Variants in CARD8 observed in about 807,000 individuals in gnomAD.
CARD8 encodes caspase recruitment domain-containing protein 8.
CARD8 carries 38 observed loss-of-function variants against 53.2 expected under a neutral mutation model. The observed-to-expected ratio is 0.71, with a 90% CI of 0.55 to 0.94. The LOEUF (loss-of-function observed/expected upper bound fraction) is 0.94, where lower values mean the gene tolerates loss of function less well. CARD8 is among the 40% of genes least tolerant of loss of function. CARD8 has a pLI of 0.00. For missense variants in CARD8, 561 were observed against 655.5 expected, an observed-to-expected ratio of 0.86 and a Z score of 1.57; for synonymous variants, 245 against 244.9, an observed-to-expected ratio of 1.00 and a Z score of 0.00.
downstream of CARD8, chr19:48,206,255 T>C (rs767548374): frequency 5.9e-6 from 2 of 336,668 alleles, no homozygotes; most frequent in Non-Finnish European, 1.2e-5. Flanking sequence ...ACAGAAGAGT[T>C]TGGTGTTTTG....
chr19:48,248,587 T>C (rs1373891346), intron 3 of CARD8, among the ~76,000 whole-genome samples: 1 of 152,132 alleles, frequency 6.6e-6, no homozygotes, highest in African/African-American at 2.4e-5. Flanking sequence ...GCTGACAAAA[T>C]CAAGTGTGAA....
At chr19:48,252,972 G>C (rs2047127332) in intron 1 of CARD8, among the ~76,000 whole-genome samples, 1 of 152,068 alleles carries the variant, frequency 6.6e-6, no homozygotes, top group Admixed American at 6.6e-5. Context: ...AAACTGCACT[G>C]CTCTATGGCA....
At chr19:48,242,982 C>T (rs878908170) in intron 3 of CARD8, among the ~76,000 whole-genome samples, 1 of 152,164 alleles carries the variant, frequency 6.6e-6, no homozygotes, top group South Asian at 2.1e-4. Context: ...TGAAGATTAA[C>T]TTTTATATAA....
chr19:48,219,132 G>C, intron 11 of CARD8, 120 bp from the exon 12 acceptor site: 2 of 810,416 alleles, frequency 2.5e-6, no homozygotes, highest in South Asian at 3.3e-5. Context: ...TGGTTGAGTG[G>C]GAAACAGAGG....
chr19:48,240,986 C>T lies in CARD8; in HGVS notation c.35G>A (p.Ser12Asn), dbSNP rs2044918900. The T allele has an allele frequency of 6.5e-7, 1 of 1,536,002 alleles. No homozygotes were observed. The highest frequency in any genetic ancestry group is 8.7e-7 in the Non-Finnish European group (1 of 1,146,816). ...EKKECPEKSSSSEEELPRRDS... is the reference protein window; with the variant it reads ...EKKECPEKSSNSEEELPRRDS... ...CCGTCTCGGCAGCTCTTCCTCACTG[C>T]TGCTACTCTTTTCTGGACACTCCTT... The change falls in exon 4 of 14, where the codon AGC becomes AAC. Residue 12 changes from serine to asparagine, a missense_variant. Physicochemically the swap from Ser to Asn is conservative, Grantham distance 46 (BLOSUM62 1). Transcript: ENST00000651546.
At chr19:48,241,860 C>G (rs2045175972) in intron 3 of CARD8, among the ~76,000 whole-genome samples, 1 of 152,122 alleles carries the variant, frequency 6.6e-6, no homozygotes, top group Non-Finnish European at 1.5e-5. Context: ...ACAAACCACA[C>G]AATTCACCCA....
At position 48,248,979 on chromosome 19, in the gene CARD8, C is replaced by T. The variant is rs919721382; in HGVS notation, c.-44+544G>A. Among the ~76,000 whole-genome samples the T allele has an allele frequency of 4.6e-5, 7 of 152,322 alleles. No individual in the cohort carries two copies. In the South Asian group the frequency reaches 6.2e-4, roughly 14 times the overall value. ...TTGGGAGGCCGAGGCGGGCGGATCA[C>T]CTGAGATCAGGAGTTCGAAGCCAGA... On this transcript the variant is annotated intron_variant, in intron 3 of 13. Coordinates refer to ENST00000651546, the MANE Select transcript of CARD8 (RefSeq NM_001184900.3).
intron 6 of CARD8, chr19:48,232,892 T>C: frequency 2.4e-6 from 1 of 416,316 alleles, no homozygotes; most frequent in East Asian, 6.9e-5. Flanking sequence ...TTGACATCTC[T>C]CCTTCTTCTC....
chr19:48,216,012 G>A (rs193079666), intron 12 of CARD8, among the ~76,000 whole-genome samples: 34 of 151,782 alleles, frequency 2.2e-4, no homozygotes, highest in African/African-American at 8.2e-4. Flanking sequence ...CCCATCTCCT[G>A]TGAGGTCTCA....
chr19:48,212,666 C>T (rs990267284), intron 13 of CARD8, among the ~76,000 whole-genome samples: 2 of 152,308 alleles, frequency 1.3e-5, no homozygotes, highest in South Asian at 2.1e-4. Context: ...TTGATTTCAA[C>T]GTGCAGGCAA....
At chr19:48,254,636 G>A (rs368636279) in intron 1 of CARD8, among the ~76,000 whole-genome samples, 21 of 151,712 alleles carry the variant, frequency 1.4e-4, no homozygotes, top group African/African-American at 3.9e-4. Context: ...ACCTGTAGTC[G>A]CAGCTACTCG....
chr19:48,244,511 G>A (rs569367375), intron 3 of CARD8, among the ~76,000 whole-genome samples: 3 of 152,276 alleles, frequency 2.0e-5, no homozygotes, highest in South Asian at 2.1e-4. Flanking sequence ...CCTCATACTC[G>A]GTGATTTATC....
At chr19:48,238,327 C>G in intron 5 of CARD8, 56 bp downstream of exon 5, 1 of 1,518,720 alleles carries the variant, frequency 6.6e-7, no homozygotes, top group South Asian at 1.2e-5. Context: ...GTACATAAAC[C>G]AATGGAGCAA....
chr19:48,248,512 G>C (rs561795162), intron 3 of CARD8, among the ~76,000 whole-genome samples: 14 of 152,150 alleles, frequency 9.2e-5, no homozygotes, highest in Non-Finnish European at 2.1e-4. Context: ...AGTAATCAGG[G>C]GAATGTGCAT....
chr19:48,244,807 T>C (rs2045842924), intron 3 of CARD8, among the ~76,000 whole-genome samples: 1 of 152,234 alleles, frequency 6.6e-6, no homozygotes, highest in Admixed American at 6.5e-5. Flanking sequence ...GTTGTTGTTT[T>C]TTGTTTTGTT....
At chr19:48,234,164 C>G (rs1164348811) in intron 6 of CARD8, 1 of 447,414 alleles carries the variant, frequency 2.2e-6, no homozygotes, top group Non-Finnish European at 4.0e-6. Flanking sequence ...ACCCACTGGT[C>G]TTCGATTGCA....
intron 10 of CARD8, among the ~76,000 whole-genome samples, chr19:48,226,591 G>A (rs372953498): frequency 6.6e-6 from 1 of 152,082 alleles, no homozygotes; most frequent in East Asian, 1.9e-4. Flanking sequence ...TGCATGTAAT[G>A]GGGGTATTAC....
rs2037769534 is a variant in CARD8 at position 48,210,300 on chromosome 19, A to AT, written c.*1409dup. On this transcript the variant is annotated 3_prime_UTR_variant, in exon 14 of 14. Transcript: ENST00000651546. ...AAGATGTCCTCAGAGGAAGCAAAAAATAAGAGAATCTGTACCTATCAGAAC... is the reference window on the plus strand; with the variant it reads ...AAGATGTCCTCAGAGGAAGCAAAAAATTAAGAGAATCTGTACCTATCAGAAC... The AT allele has an allele frequency of 6.6e-6, 1 of 152,198 alleles. No individual in the cohort carries two copies. Among genetic ancestry groups the AT allele is most frequent in the Non-Finnish European group, 1.5e-5 (1 of 68,024 alleles). 9.4% of individuals were successfully genotyped at this position (152,198 alleles called of 1,614,324 possible). A position where few individuals can be genotyped will look rare whatever the true frequency, so the allele number is the denominator to read the frequency against.
Position 48,241,008 on chromosome 19 carries a change from CCTT to C in CARD8, c.10_12del (p.Lys4del). The C allele has an allele frequency of 1.3e-6, 2 of 1,536,018 alleles. No individual in the cohort carries two copies. The highest frequency in any genetic ancestry group is 1.7e-6 in the Non-Finnish European group (2 of 1,146,744). ...CTGCTGCTACTCTTTTCTGGACACT[CCTT>C]TTTTTCCATTTGTCAAATGTGGTAT... On this transcript the variant is annotated inframe_deletion, in exon 4 of 14. Transcript: ENST00000651546.
Sources: allele counts gnomAD v4.1 joint callset (sites outside exome capture counted in the v4.1 genomes callset), GRCh38; gene constraint gnomAD v4.1.1; transcripts MANE v1.5; gene names NCBI Gene and HGNC (gene_info 2026-07-23, HGNC 2026-07-21).